DTNBP1: variants seen among roughly 807,000 people sequenced by gnomAD.
DTNBP1 encodes dystrobrevin binding protein 1.
A neutral mutation model predicts 42.8 loss-of-function variants in DTNBP1; 35 were observed. That is an observed-to-expected ratio of 0.82 (90% CI 0.63 to 1.09). DTNBP1 has a LOEUF of 1.09. Ranked by LOEUF, DTNBP1 falls within the 50% of genes least tolerant of loss-of-function variation. The probability of loss-of-function intolerance (pLI) is 0.00; values close to 1 mark genes in which losing one functional copy is unlikely to be tolerated. For synonymous variants in DTNBP1, 171 were observed against 162.2 expected (o/e 1.05, Z -0.41); for missense variants, 457 against 424.2 (o/e 1.08, Z -0.68).
intron 7 of DTNBP1, among the ~76,000 whole-genome samples, chr6:15,557,115 A>G (rs2113453010): frequency 6.6e-6 from 1 of 152,326 alleles, no homozygotes; most frequent in South Asian, 2.1e-4. Flanking sequence ...TTTACCAAAA[A>G]TAAAAGTTGC....
In DTNBP1 at chr6:15,624,941, C is replaced by T. The variant is rs141246809; in HGVS notation, c.355+2402G>A. 1.9e-3 allele frequency among the ~76,000 whole-genome samples: 292 copies of T among 152,198 alleles called. 4 individuals are homozygous for T. In the Middle Eastern group the frequency reaches 0.024, roughly 12 times the overall value. On this transcript the variant is annotated intron_variant, in intron 5 of 9. Coordinates refer to ENST00000344537, the MANE Select transcript of DTNBP1 (RefSeq NM_032122.5). The stretch of plus-strand genomic sequence containing the variant: ...TTAATGGTACAGATACATGTTTACA[C>T]AACTCACTCCATCAAATTTGGCTTC...
intron 7 of DTNBP1, among the ~76,000 whole-genome samples, chr6:15,552,485 A>C (rs1482966888): frequency 6.6e-6 from 1 of 152,180 alleles, no homozygotes; most frequent in Non-Finnish European, 1.5e-5. Flanking sequence ...CCTTACATGT[A>C]CCCAATTAGT....
intron 9 of DTNBP1, 136 bp downstream of exon 9, chr6:15,524,390 T>C: frequency 1.9e-6 from 3 of 1,613,830 alleles, no homozygotes; most frequent in Non-Finnish European, 2.5e-6. Flanking sequence ...AACCGTGGGG[T>C]TAGGGAGCCA....
intron 9 of DTNBP1, 52 bp downstream of exon 9, chr6:15,524,474 G>T (rs778995516): frequency 1.2e-6 from 2 of 1,613,366 alleles, no homozygotes; most frequent in Non-Finnish European, 1.7e-6. Flanking sequence ...CTTTGGAGGG[G>T]AGTGGCATCG....
At position 15,587,554 on chromosome 6, in the gene DTNBP1, G is replaced by T. The variant is rs1776129388; in HGVS notation, c.511+5505C>A. ...AAGGCAGTGTGGCACTGGCAATAAG[G>T]AACAAAGTTGAGAGTTCAGAAAAAA... On this transcript the variant is annotated intron_variant, in intron 7 of 9. Coordinates refer to ENST00000344537, the MANE Select transcript of DTNBP1 (RefSeq NM_032122.5). This position sits in a 1 kb window ranked among gnomAD's most constrained non-coding sequence, Gnocchi z 4.1. 6.6e-6 allele frequency among the ~76,000 whole-genome samples: 1 copy of T among 152,164 alleles called. No individual in the cohort carries two copies. Among genetic ancestry groups the T allele is most frequent in the South Asian group, 2.1e-4 (1 of 4,828 alleles).
chr6:15,593,233 AC>A, intron 6 of DTNBP1, 152 bp from the exon 7 acceptor site: 1 of 727,948 alleles, frequency 1.4e-6, no homozygotes. Flanking sequence ...TACTGAAATG[AC>A]CAGTACAATG....
intron 5 of DTNBP1, among the ~76,000 whole-genome samples, chr6:15,623,678 C>T (rs1273979492): frequency 6.6e-6 from 1 of 152,150 alleles, no homozygotes. Context: ...AAGGCTTTAA[C>T]ATTTTGAACT....
chr6:15,575,925 C>T (rs918766464), intron 7 of DTNBP1, among the ~76,000 whole-genome samples: 12 of 152,088 alleles, frequency 7.9e-5, no homozygotes, highest in Non-Finnish European at 2.9e-5. Flanking sequence ...CAAGATGTTG[C>T]GCTACGTGCT....
intron 6 of DTNBP1, among the ~76,000 whole-genome samples, chr6:15,597,734 C>T (rs751560479): frequency 2.6e-5 from 4 of 152,218 alleles, no homozygotes; most frequent in Non-Finnish European, 5.9e-5. Context: ...GCATCACATG[C>T]GTGCCCAGAG....
chr6:15,608,951 C>T (rs1758233678), intron 6 of DTNBP1, among the ~76,000 whole-genome samples: 1 of 152,168 alleles, frequency 6.6e-6, no homozygotes, highest in African/African-American at 2.4e-5. Flanking sequence ...TAAACTCAAA[C>T]ATTCATATCC....
In DTNBP1 at chr6:15,523,144, G is replaced by T. The variant is rs781381233; in HGVS notation, c.887C>A (p.Pro296His). The T allele has an allele frequency of 1.2e-6, 2 of 1,614,230 alleles. No individual in the cohort carries two copies. Among genetic ancestry groups the T allele is most frequent in the Non-Finnish European group, 1.7e-6 (2 of 1,180,046 alleles). ...PNPSELRAKP[P>H]SSSSTCTDSA... ...GTCGGTGCAGGTGGAGGAAGAAGAA[G>T]GTGGCTTGGCTCTTAATTCTGAGGG... Residue 296 changes from proline (P) to histidine (H), a missense_variant, in exon 10 of 10, where the codon CCT (proline) becomes CAT (histidine). Physicochemically the swap from Pro to His is moderately conservative, Grantham distance 77. Transcript: ENST00000344537.
chr6:15,616,409 G>T (rs1489035734), intron 5 of DTNBP1, among the ~76,000 whole-genome samples: 1 of 152,174 alleles, frequency 6.6e-6, no homozygotes, highest in South Asian at 2.1e-4. Flanking sequence ...ACAGGAGAGG[G>T]GAGGTATATT....
intron 5 of DTNBP1, among the ~76,000 whole-genome samples, chr6:15,618,608 C>G (rs928801037): frequency 6.6e-6 from 1 of 151,802 alleles, no homozygotes; most frequent in Non-Finnish European, 1.5e-5. Context: ...GAAACGAGTT[C>G]TCATACGCTG....
intron 3 of DTNBP1, among the ~76,000 whole-genome samples, chr6:15,650,234 G>A (rs1028948759): frequency 4.6e-5 from 7 of 152,178 alleles, no homozygotes; most frequent in African/African-American, 1.7e-4. Context: ...AGTAAGCACA[G>A]AAATATGTAT....
At position 15,662,903 on chromosome 6, in the gene DTNBP1, C is replaced by T. The variant is rs1197553972; in HGVS notation, c.-34G>A. ...CCGCCGGTCTCCTCTCCTCAGGCCT[C>T]GGGCTGCTGCTGCCTCTGTCGCCCC... On this transcript the variant is annotated 5_prime_UTR_variant, in exon 1 of 10. Coordinates refer to ENST00000344537, the MANE Select transcript of DTNBP1 (RefSeq NM_032122.5). The T allele has an allele frequency of 1.2e-6, 2 of 1,601,188 alleles. No homozygotes were observed. Among genetic ancestry groups the T allele is most frequent in the Non-Finnish European group, 1.7e-6 (2 of 1,179,110 alleles).
At chr6:15,654,309 C>G (rs568789725) in intron 1 of DTNBP1, among the ~76,000 whole-genome samples, 1 of 152,276 alleles carries the variant, frequency 6.6e-6, no homozygotes, top group Admixed American at 6.5e-5. Context: ...TATGGCCATG[C>G]TCTACCATTT....
At chr6:15,589,543 C>T (rs944819896) in intron 7 of DTNBP1, among the ~76,000 whole-genome samples, 1 of 152,218 alleles carries the variant, frequency 6.6e-6, no homozygotes, top group Non-Finnish European at 1.5e-5. Context: ...CATGTCTTCC[C>T]ATTTCCAACT....
Position 15,546,174 on chromosome 6 carries a change from T to C in DTNBP1, c.512-12779A>G, listed in dbSNP as rs140989244. 5.0e-3 allele frequency: 1,694 copies of C among 340,318 alleles called. 31 individuals carry two copies. The highest frequency in any genetic ancestry group is 0.034 in the African/African-American group (1,549 of 45,636). 21.1% of individuals were successfully genotyped at this position (340,318 alleles called of 1,614,324 possible). On this transcript the variant is annotated intron_variant, in intron 7 of 9. Transcript: ENST00000344537. Reference sequence around the variant, plus strand: ...TCCGCCTCCAGGGTTCAAGCAATTCTCCTGCCTCAGCCTCCTGAGTAGCTG... The same window carrying C: ...TCCGCCTCCAGGGTTCAAGCAATTCCCCTGCCTCAGCCTCCTGAGTAGCTG...
At position 15,642,744 on chromosome 6, in the gene DTNBP1, A is replaced by C. The variant is rs528984823; in HGVS notation, c.162-4940T>G. Among the ~76,000 whole-genome samples the C allele has an allele frequency of 1.2e-4, 18 of 152,328 alleles. No homozygotes were observed. The South Asian group carries it at 3.5e-3, about 30-fold the overall frequency. On this transcript the variant is annotated intron_variant, in intron 3 of 9. Transcript: ENST00000344537. ...CCCCATATAGCATTTGGCTCTGTGGAAGCACCCAGAAACAAAGGCAAATGA... is the reference window on the plus strand; with the variant it reads ...CCCCATATAGCATTTGGCTCTGTGGCAGCACCCAGAAACAAAGGCAAATGA...
Sources: allele counts gnomAD v4.1 joint callset (sites outside exome capture counted in the v4.1 genomes callset), GRCh38; gene constraint gnomAD v4.1.1; non-coding constraint Gnocchi (gnomAD v3.1); transcripts MANE v1.5; gene names NCBI Gene and HGNC (gene_info 2026-07-23, HGNC 2026-07-21).